The following ANGPT4 variants were observed in gnomAD, a reference collection of about 807,000 sequenced individuals.
The protein encoded by ANGPT4 is angiopoietin-4.
A neutral mutation model predicts 53.0 loss-of-function variants in ANGPT4; 50 were observed. The ratio of observed to expected loss-of-function variants is 0.94; its 90% confidence interval spans 0.75 to 1.20. ANGPT4 has a LOEUF of 1.20. Ranked by LOEUF, ANGPT4 falls within the 50% of genes most tolerant of loss-of-function variation. ANGPT4 has a pLI of 0.00. For missense variants in ANGPT4, 648 were observed against 637.1 expected (o/e 1.02, Z -0.18); for synonymous variants, 251 against 259.7 (o/e 0.97, Z 0.32).
intron 3 of ANGPT4, 70 bp downstream of exon 3, chr20:888,248 C>T: frequency 6.5e-7 from 1 of 1,538,022 alleles, no homozygotes; most frequent in Non-Finnish European, 8.7e-7. Flanking sequence ...GCTCTGGTGC[C>T]TGCCCTAGGT....
chr20:899,392 T>C (rs913796468), intron 1 of ANGPT4, among the ~76,000 whole-genome samples: 38 of 151,884 alleles, frequency 2.5e-4, no homozygotes, highest in East Asian at 1.4e-3. Flanking sequence ...GGACTACAGG[T>C]GCCTGCCACC....
chr20:915,087 A>G (rs536450279), intron 1 of ANGPT4, among the ~76,000 whole-genome samples: 2 of 151,926 alleles, frequency 1.3e-5, no homozygotes, highest in Non-Finnish European at 2.9e-5. Flanking sequence ...TGCAGCGGCC[A>G]CCTCTTTGGG....
intron 7 of ANGPT4, among the ~76,000 whole-genome samples, chr20:874,939 T>C (rs1026700649): frequency 1.3e-5 from 2 of 152,146 alleles, no homozygotes; most frequent in African/African-American, 4.8e-5. Flanking sequence ...AGGCTGGTCT[T>C]GAACACCTGA....
At chr20:910,749 CCAGTTGAACAAATAAACCCG>C (rs1982664164) in intron 1 of ANGPT4, among the ~76,000 whole-genome samples, 1 of 152,160 alleles carries the variant, frequency 6.6e-6, no homozygotes, top group Non-Finnish European at 1.5e-5. Flanking sequence ...GCTGGCCAAG[CCAGTTGAACAAATAAACCCG>C]TCCTTTTGGG....
At chr20:886,214 C>T (rs1391102931) in intron 3 of ANGPT4, among the ~76,000 whole-genome samples, 1 of 152,174 alleles carries the variant, frequency 6.6e-6, no homozygotes, top group African/African-American at 2.4e-5. Flanking sequence ...TCCAGATTTA[C>T]TCACATGTGT....
At chr20:886,411 G>A (rs1464199131) in intron 3 of ANGPT4, among the ~76,000 whole-genome samples, 1 of 152,208 alleles carries the variant, frequency 6.6e-6, no homozygotes, top group Non-Finnish European at 1.5e-5. Context: ...TCTTTCCAAG[G>A]TAACTGAATA....
chr20:873,908 C>A (rs1272055250), intron 8 of ANGPT4, among the ~76,000 whole-genome samples: 1 of 152,214 alleles, frequency 6.6e-6, no homozygotes, highest in Non-Finnish European at 1.5e-5. Flanking sequence ...ACTGCCTGAG[C>A]CACAGCTGGT....
intron 1 of ANGPT4, among the ~76,000 whole-genome samples, chr20:892,623 A>G (rs1981891645): frequency 6.6e-6 from 1 of 151,712 alleles, no homozygotes; most frequent in South Asian, 2.1e-4. Context: ...TAGAGAATAA[A>G]TATAGCCCAT....
At chr20:896,098 C>G (rs1203387565) in intron 1 of ANGPT4, among the ~76,000 whole-genome samples, 2 of 152,132 alleles carry the variant, frequency 1.3e-5, no homozygotes, top group African/African-American at 4.8e-5. Flanking sequence ...CTATAAAATG[C>G]CGCAGATATA....
At chr20:877,202 A>G (rs773073249) in intron 7 of ANGPT4, among the ~76,000 whole-genome samples, 2 of 152,212 alleles carry the variant, frequency 1.3e-5, no homozygotes, top group Non-Finnish European at 2.9e-5. Flanking sequence ...CCTTGTGGGG[A>G]AGCGACCTTC....
rs749015791 is a variant in ANGPT4, at chr20:888,452, G to A, written c.466-13C>T. The A allele has an allele frequency of 6.2e-7, 1 of 1,608,324 alleles. No individual in the cohort carries two copies. Among genetic ancestry groups the A allele is most frequent in the Non-Finnish European group, 8.5e-7 (1 of 1,178,826 alleles). ...TCTGGTTCAGGAGCTGCCCCAGCAA[G>A]CAGAAGCAGGTAGGGGGCTGCGTAA... On this transcript the variant is annotated splice_polypyrimidine_tract_variant and intron_variant, in intron 2 of 8. Transcript: ENST00000381922.
chr20:871,336 T>A lies in ANGPT4; in HGVS notation c.*1624A>T, dbSNP rs1407622812. The A allele has an allele frequency of 6.6e-6, 1 of 152,332 alleles. No homozygotes were observed. Among genetic ancestry groups the A allele is most frequent in the Non-Finnish European group, 1.5e-5 (1 of 68,158 alleles). The allele number at this position is 152,332 out of a possible 1,614,324, so 9.4% of individuals were successfully genotyped here. On this transcript the variant is annotated 3_prime_UTR_variant, in exon 9 of 9. Coordinates refer to ENST00000381922, the MANE Select transcript of ANGPT4 (RefSeq NM_015985.4). ...GAGCCAGGGGGATGAAGGGGTCCCATTCCCATTGGCTCAGTCTCATCCAGG... is the reference window on the plus strand; with the variant it reads ...GAGCCAGGGGGATGAAGGGGTCCCAATCCCATTGGCTCAGTCTCATCCAGG...
intron 3 of ANGPT4, among the ~76,000 whole-genome samples, chr20:885,974 C>T (rs1052620595): frequency 6.6e-6 from 1 of 152,176 alleles, no homozygotes; most frequent in African/African-American, 2.4e-5. Flanking sequence ...GAAAGAAATT[C>T]CCTCAAGTGC....
intron 1 of ANGPT4, among the ~76,000 whole-genome samples, chr20:905,591 G>A (rs1422252614): frequency 6.6e-6 from 1 of 152,172 alleles, no homozygotes. Context: ...AGATGGGAGG[G>A]GCAGGAAGGA....
intron 1 of ANGPT4, among the ~76,000 whole-genome samples, chr20:907,701 C>G (rs1211744432): frequency 1.3e-5 from 2 of 152,328 alleles, no homozygotes; most frequent in East Asian, 1.9e-4. Context: ...TAGCTCTTCA[C>G]AGGTGTAACC....
intron 4 of ANGPT4, among the ~76,000 whole-genome samples, chr20:882,431 A>G (rs1388273367): frequency 1.3e-5 from 2 of 152,136 alleles, no homozygotes; most frequent in Admixed American, 6.5e-5. Flanking sequence ...ACAGGGTGGG[A>G]CTTCCTGGTT....
chr20:870,230 T>G lies in ANGPT4; in HGVS notation c.*2730A>C, dbSNP rs1980886921. 2 of 152,250 alleles carry G rather than the reference T, an allele frequency of 1.3e-5. No homozygotes were observed. The allele number at this position is 152,250 out of a possible 1,614,324, so 9.4% of individuals were successfully genotyped here. A position where few individuals can be genotyped will look rare whatever the true frequency, so the allele number is the denominator to read the frequency against. ...AAGGTAAGAAAGAAGGATGAATATT[T>G]AAGAACAGGTGTCTGAGGCTGGGTA... On this transcript the variant is annotated 3_prime_UTR_variant, in exon 9 of 9. Coordinates refer to ENST00000381922, the MANE Select transcript of ANGPT4 (RefSeq NM_015985.4).
rs1316454310 is a variant in ANGPT4, at chr20:890,329, C to T, written c.349G>A (p.Glu117Lys). 3.7e-6 allele frequency: 6 copies of T among 1,613,430 alleles called. No individual in the cohort carries two copies. The highest frequency in any genetic ancestry group is 4.2e-6 in the Non-Finnish European group (5 of 1,179,968). ...TGGGCCATTTGCTGCTGGACCTGCTCCAGCTTCGACCTCAAGATCGTCTTG... is the reference window on the plus strand; with the variant it reads ...TGGGCCATTTGCTGCTGGACCTGCTTCAGCTTCGACCTCAAGATCGTCTTG... ...AIKTILRSKL[E>K]QVQQQMAQNQ... The change falls in exon 2 of 9, where the codon GAG becomes AAG. Residue 117 changes from glutamate (E) to lysine (K), a missense_variant. Physicochemically the swap from Glu to Lys is moderately conservative, Grantham distance 56. Coordinates refer to ENST00000381922, the MANE Select transcript of ANGPT4 (RefSeq NM_015985.4).
intron 1 of ANGPT4, among the ~76,000 whole-genome samples, chr20:904,563 T>C (rs1046415777): frequency 6.6e-6 from 1 of 152,188 alleles, no homozygotes; most frequent in African/African-American, 2.4e-5. Context: ...TTCCCACAAG[T>C]CTATGTGGGG....
Sources: allele counts gnomAD v4.1 joint callset (sites outside exome capture counted in the v4.1 genomes callset), GRCh38; gene constraint gnomAD v4.1.1; transcripts MANE v1.5; gene names NCBI Gene and HGNC (gene_info 2026-07-23, HGNC 2026-07-21).